Variants in YIF1A observed in about 807,000 individuals in gnomAD.
YIF1A encodes the protein protein YIF1A.
A neutral mutation model predicts 32.6 loss-of-function variants in YIF1A; 28 were observed. The ratio of observed to expected loss-of-function variants is 0.86; its 90% CI spans 0.64 to 1.18. The LOEUF (loss-of-function observed/expected upper bound fraction) is 1.18. Ranked by LOEUF, YIF1A falls within the 50% of genes most tolerant of loss-of-function variation. YIF1A has a pLI of 0.00. For synonymous variants in YIF1A, 175 were observed against 162.2 expected (o/e 1.08, Z -0.60); for missense variants, 373 against 390.8 (o/e 0.95, Z 0.38).
At chr11:66,286,459 A>G (rs1857358357) in intron 4 of YIF1A, among the ~76,000 whole-genome samples, 1 of 152,206 alleles carries the variant, frequency 6.6e-6, no homozygotes, top group Admixed American at 6.5e-5. Context: ...TCTACTAAAA[A>G]TACAAAAATT....
At position 66,288,379 on chromosome 11, in the gene YIF1A, C is replaced by T; in HGVS notation, c.32-87G>A. The T allele has an allele frequency of 2.0e-6, 3 of 1,536,470 alleles. No homozygotes were observed. The South Asian group carries it at 3.4e-5, about 18-fold the overall frequency. On this transcript the variant is annotated intron_variant, in intron 1 of 7. Transcript: ENST00000376901. Reference sequence around the variant, plus strand: ...CCCCTTCCCTGGCTGGACAGCCCTGCACGGGTCCTGGAGGCACCGATCAGT... The same window carrying T: ...CCCCTTCCCTGGCTGGACAGCCCTGTACGGGTCCTGGAGGCACCGATCAGT...
In YIF1A at chr11:66,289,108, C is replaced by A. The variant is rs1433216835; in HGVS notation, c.-123G>T. The A allele has an allele frequency of 5.2e-6, 7 of 1,347,290 alleles. No individual in the cohort carries two copies. Among genetic ancestry groups the A allele is most frequent in the East Asian group, 6.1e-5 (2 of 33,016 alleles). 83.5% of individuals were successfully genotyped at this position (1,347,290 alleles called of 1,614,324 possible). A position where few individuals can be genotyped will look rare whatever the true frequency, so the allele number is the denominator to read the frequency against. ...CCACCCGGCCGCGCGACACGTCCCCCACCCCGCCGGTCTCGGCCACCATGT... is the reference window on the plus strand; with the variant it reads ...CCACCCGGCCGCGCGACACGTCCCCAACCCCGCCGGTCTCGGCCACCATGT... On this transcript the variant is annotated 5_prime_UTR_variant, in exon 1 of 8. Transcript: ENST00000376901.
At chr11:66,286,219 G>A (rs1006169265) in intron 4 of YIF1A, among the ~76,000 whole-genome samples, 1 of 152,236 alleles carries the variant, frequency 6.6e-6, no homozygotes, top group South Asian at 2.1e-4. Flanking sequence ...GCCCAACAAT[G>A]CAGGGAACTC....
At position 66,289,102 on chromosome 11, in the gene YIF1A, G is replaced by A. The variant is rs938780698; in HGVS notation, c.-117C>T. On this transcript the variant is annotated 5_prime_UTR_variant, in exon 1 of 8. In the 5' UTR this introduces an upstream ATG that the reference lacks. Coordinates refer to ENST00000376901, the MANE Select transcript of YIF1A (RefSeq NM_020470.3). ...CCGAGGCCACCCGGCCGCGCGACAC[G>A]TCCCCCACCCCGCCGGTCTCGGCCA... 1.8e-5 allele frequency: 24 copies of A among 1,368,770 alleles called. No individual in the cohort carries two copies. The highest frequency in any genetic ancestry group is 2.9e-5 in the East Asian group (1 of 34,190). 84.8% of individuals were successfully genotyped at this position (1,368,770 alleles called of 1,614,324 possible). A position where few individuals can be genotyped will look rare whatever the true frequency, so the allele number is the denominator to read the frequency against.
At chr11:66,288,323 C>T in intron 1 of YIF1A, 31 bp from the exon 2 acceptor site, 1 of 1,613,044 alleles carries the variant, frequency 6.2e-7, no homozygotes. Flanking sequence ...GAGTAGATGA[C>T]AGAAATACCA....
At chr11:66,286,403 G>C (rs1399566097) in intron 4 of YIF1A, among the ~76,000 whole-genome samples, 1 of 152,216 alleles carries the variant, frequency 6.6e-6, no homozygotes, top group Non-Finnish European at 1.5e-5. Context: ...GCTCACTTGA[G>C]CCCAGGAGTT....
At chr11:66,287,977 G>C (rs1857387808) in intron 2 of YIF1A, 61 bp from the exon 3 acceptor site, 14 of 1,605,932 alleles carry the variant, frequency 8.7e-6, no homozygotes, top group Non-Finnish European at 1.1e-5. Context: ...GTGCCCCTCT[G>C]TGTGCTCCAT....
At position 66,284,725 on chromosome 11, in the gene YIF1A, C is replaced by G. The variant is rs752654245; in HGVS notation, c.794G>C (p.Arg265Pro). The G allele has an allele frequency of 6.2e-7, 1 of 1,612,272 alleles. No homozygotes were observed. The highest frequency in any genetic ancestry group is 1.3e-5 in the African/African-American group (1 of 74,922). ...AGTCAGGTAGAGCTGGAGACGCTGC[C>G]GGGGGACGGGGCCCCCCATGCTGTC... is the stretch of plus-strand genomic sequence containing the variant. ...GPDSMGGPVP[R>P]QRLQLYLTLG... Residue 265 changes from arginine (R) to proline (P), a missense_variant, in exon 8 of 8, where the codon CGG becomes CCG. Arg to Pro is a moderately radical substitution (Grantham distance 103, BLOSUM62 -2). Coordinates refer to ENST00000376901, the MANE Select transcript of YIF1A (RefSeq NM_020470.3).
chr11:66,285,972 A>G (rs1380618411), intron 4 of YIF1A, among the ~76,000 whole-genome samples: 1 of 152,212 alleles, frequency 6.6e-6, no homozygotes, highest in East Asian at 1.9e-4. Flanking sequence ...CTTCTTCCAG[A>G]ACCACAAGCC....
In YIF1A at chr11:66,289,128, CCAT is replaced by C; in HGVS notation, c.-146_-144del. ...TCCCCCACCCCGCCGGTCTCGGCCA[CCAT>C]GTCCGTGGCGTCATCCCCCGCGCCT... On this transcript the variant is annotated 5_prime_UTR_variant, in exon 1 of 8. An upstream start codon of the reference 5' UTR is lost. Coordinates refer to ENST00000376901, the MANE Select transcript of YIF1A (RefSeq NM_020470.3). The C allele has an allele frequency of 7.9e-7, 1 of 1,264,986 alleles. No homozygotes were observed. The highest frequency in any genetic ancestry group is 1.0e-6 in the Non-Finnish European group (1 of 970,112). The allele number at this position is 1,264,986 out of a possible 1,614,324, so 78.4% of individuals were successfully genotyped here.
In YIF1A at chr11:66,289,073, C is replaced by G. The variant is rs1402486622; in HGVS notation, c.-88G>C. 2 of 1,458,846 alleles carry G rather than the reference C, an allele frequency of 1.4e-6. No individual in the cohort carries two copies. The highest frequency in any genetic ancestry group is 5.0e-5 in the Admixed American group (2 of 39,942). The allele number at this position is 1,458,846 out of a possible 1,614,324, so 90.4% of individuals were successfully genotyped here. ...AGGCAGCTGCTCCGCGCCCAGGGTACCGACCGAGGCCACCCGGCCGCGCGA... is the reference window on the plus strand; with the variant it reads ...AGGCAGCTGCTCCGCGCCCAGGGTAGCGACCGAGGCCACCCGGCCGCGCGA... On this transcript the variant is annotated 5_prime_UTR_variant, in exon 1 of 8. Coordinates refer to ENST00000376901, the MANE Select transcript of YIF1A (RefSeq NM_020470.3).
chr11:66,288,095 T>A lies in YIF1A; in HGVS notation c.229A>T (p.Met77Leu). The change falls in exon 2 of 8, where the codon ATG becomes TTG. Residue 77 changes from methionine to leucine, a missense_variant. Met to Leu is a conservative substitution (Grantham distance 15). Transcript: ENST00000376901. ...GSSIASHGKD[M>L]VHKELHRFVS... The stretch of plus-strand genomic sequence containing the variant: ...GCAGGCCACACCTCCTTGTGCACCA[T>A]GTCCTTCCCATGGGATGCGATGGAG... 1.9e-6 allele frequency: 3 copies of A among 1,613,652 alleles called. No individual in the cohort carries two copies. Among genetic ancestry groups the A allele is most frequent in the Non-Finnish European group, 2.5e-6 (3 of 1,179,948 alleles).
At chr11:66,285,018 G>A in intron 6 of YIF1A, 52 bp from the exon 7 acceptor site, 1 of 1,585,184 alleles carries the variant, frequency 6.3e-7, no homozygotes, top group East Asian at 2.2e-5. Flanking sequence ...CTAGGCCTGA[G>A]ATTGGCCCTA....
At chr11:66,285,195 T>C in intron 6 of YIF1A, 186 bp downstream of exon 6, 1 of 1,027,758 alleles carries the variant, frequency 9.7e-7, no homozygotes, top group Non-Finnish European at 1.4e-6. Flanking sequence ...AGAGTGACTC[T>C]CAACACCTCC....
chr11:66,289,096 C>T lies in YIF1A; in HGVS notation c.-111G>A. On this transcript the variant is annotated 5_prime_UTR_variant, in exon 1 of 8. Transcript: ENST00000376901. Reference sequence around the variant, plus strand: ...TACCGACCGAGGCCACCCGGCCGCGCGACACGTCCCCCACCCCGCCGGTCT... The same window carrying T: ...TACCGACCGAGGCCACCCGGCCGCGTGACACGTCCCCCACCCCGCCGGTCT... The T allele has an allele frequency of 1.4e-6, 2 of 1,394,948 alleles. No individual in the cohort carries two copies. Among genetic ancestry groups the T allele is most frequent in the Admixed American group, 2.8e-5 (1 of 36,016 alleles). The allele number at this position is 1,394,948 out of a possible 1,614,324, so 86.4% of individuals were successfully genotyped here. A position where few individuals can be genotyped will look rare whatever the true frequency, so the allele number is the denominator to read the frequency against.
At position 66,284,857 on chromosome 11, in the gene YIF1A, G is replaced by C. The variant is rs753448994; in HGVS notation, c.735+16C>G. The stretch of plus-strand genomic sequence containing the variant: ...TCAAGTGAAGGCAGGGGAATGGGGG[G>C]GTGCACCAGACTCACAATGAAGTAC... On this transcript the variant is annotated intron_variant, in intron 7 of 7. Transcript: ENST00000376901. 5 of 1,612,894 alleles carry C rather than the reference G, an allele frequency of 3.1e-6. No individual in the cohort carries two copies. Among genetic ancestry groups the C allele is most frequent in the Non-Finnish European group, 1.7e-6 (2 of 1,179,896 alleles).
intron 5 of YIF1A, 70 bp downstream of exon 5, chr11:66,285,631 C>T (rs1341799920): frequency 2.5e-6 from 4 of 1,610,438 alleles, no homozygotes; most frequent in Non-Finnish European, 3.4e-6. Flanking sequence ...GGGACCACCA[C>T]ATATGCCCTA....
chr11:66,285,711 T>C lies in YIF1A; in HGVS notation c.475A>G (p.Ile159Val), dbSNP rs754799758. Residue 159 changes from isoleucine to valine, a missense_variant, in exon 5 of 8, where the codon ATT becomes GTT. Physicochemically the swap from Ile to Val is conservative, Grantham distance 29. Coordinates refer to ENST00000376901, the MANE Select transcript of YIF1A (RefSeq NM_020470.3). ...GGGCTTGGCACTGACCTTTTCTGAA[T>C]GCCCAGTGCCATCCCAGCCAGGAGC... ...YVLLAGMALG[I>V]QKRFSPEVLG... 6.2e-7 allele frequency: 1 copy of C among 1,613,360 alleles called. No homozygotes were observed. Among genetic ancestry groups the C allele is most frequent in the Non-Finnish European group, 8.5e-7 (1 of 1,179,896 alleles).
chr11:66,288,405 G>A, intron 1 of YIF1A, 113 bp from the exon 2 acceptor site: 1 of 1,273,092 alleles, frequency 7.9e-7, no homozygotes, highest in South Asian at 1.3e-5. Flanking sequence ...ACCGATCAGT[G>A]AGGGGACCCC....
Sources: gnomAD v4.1 joint callset for allele counts (sites outside exome capture counted in the v4.1 genomes callset) on GRCh38, gnomAD v4.1.1 for gene constraint, MANE v1.5 for transcripts, NCBI Gene and HGNC (gene_info 2026-07-23, HGNC 2026-07-21) for gene names.